Variants in HUWE1 observed in about 807,000 individuals in gnomAD.
HUWE1 encodes the protein HECT, UBA and WWE domain containing E3 ubiquitin protein ligase 1, also known as E3 ubiquitin-protein ligase HUWE1.
Under a neutral mutation model 299.4 loss-of-function variants are expected in HUWE1, and 18 were observed. The observed-to-expected ratio is 0.06, with a 90% CI of 0.04 to 0.09. HUWE1 has a LOEUF of 0.09. Among genes scored for constraint, HUWE1 ranks in the 10% least tolerant of loss-of-function variants. The pLI, the probability that HUWE1 is intolerant of heterozygous loss-of-function variation, is 1.00. For synonymous variants in HUWE1, 1,317 were observed against 1,286.1 expected, an observed-to-expected ratio of 1.02 and a Z score of -0.51; for missense variants, 1,832 against 3,462.3, an observed-to-expected ratio of 0.53 and a Z score of 11.82.
intron 3 of HUWE1, among the ~76,000 whole-genome samples, chrX:53,656,930 AC>A (rs1471298213): frequency 1.8e-5 from 2 of 111,522 alleles, no homozygotes; most frequent in Non-Finnish European, 3.8e-5. Flanking sequence ...AAAAAAAAAA[AC>A]AATTCAGTCA....
chrX:53,674,713 AC>A (rs2069726654), intron 3 of HUWE1, among the ~76,000 whole-genome samples: 1 of 111,229 alleles, frequency 9.0e-6, no homozygotes, highest in Non-Finnish European at 1.9e-5. Context: ...TACCATACTG[AC>A]CCTTTTGTGT....
chrX:53,587,440 T>TA (rs1220724077), intron 37 of HUWE1, among the ~76,000 whole-genome samples: 1 of 112,488 alleles, frequency 8.9e-6, no homozygotes, highest in Non-Finnish European at 1.9e-5. Context: ...AAAGATGGAC[T>TA]AATGTATATA....
At chrX:53,636,917 G>A (rs2067255248) in intron 7 of HUWE1, among the ~76,000 whole-genome samples, 1 of 112,146 alleles carries the variant, frequency 8.9e-6, no homozygotes, top group Non-Finnish European at 1.9e-5. Context: ...AAATCATACT[G>A]TAATGGAATC....
chrX:53,557,999 C>T (rs1458515881), intron 59 of HUWE1, among the ~76,000 whole-genome samples: 3 of 111,777 alleles, frequency 2.7e-5, no homozygotes, highest in East Asian at 5.6e-4. Flanking sequence ...AGTCTTATTT[C>T]TTTGTATTTC....
In HUWE1 at chrX:53,576,893, C is replaced by A. The variant is rs1473999266; in HGVS notation, c.5884+7G>T. 1 of 1,208,679 alleles carries A rather than the reference C, an allele frequency of 8.3e-7. No individual in the cohort carries two copies. The highest frequency in any genetic ancestry group is 1.1e-6 in the Non-Finnish European group (1 of 894,254). On this transcript the variant is annotated splice_region_variant and intron_variant, in intron 44 of 83. Coordinates refer to ENST00000262854, the MANE Select transcript of HUWE1 (RefSeq NM_031407.7). ...GCCCAGCCTCCTGAGGTAGGCTAGC[C>A]ACATACCTTCCTCTGGAGCATGGTA... is the stretch of plus-strand genomic sequence containing the variant.
At chrX:53,677,178 G>A (rs910059586) in intron 3 of HUWE1, among the ~76,000 whole-genome samples, 4 of 96,067 alleles carry the variant, frequency 4.2e-5, no homozygotes, top group Non-Finnish European at 6.0e-5. Flanking sequence ...AAATAGAGAA[G>A]TATCACCTGG....
chrX:53,617,175 T>C, intron 20 of HUWE1, 28 bp from the exon 21 acceptor site: 1 of 1,184,183 alleles, frequency 8.4e-7, no homozygotes. Flanking sequence ...TGAGCTTGAA[T>C]GCATCTAAAA....
At chrX:53,623,594 A>G (rs1557014280) in intron 19 of HUWE1, among the ~76,000 whole-genome samples, 1 of 111,810 alleles carries the variant, frequency 8.9e-6, no homozygotes, top group African/African-American at 3.3e-5. Context: ...AAAGAGGCCC[A>G]TTCTTATTTC....
intron 39 of HUWE1, 72 bp from the exon 40 acceptor site, chrX:53,585,260 T>C: frequency 1.9e-6 from 2 of 1,034,771 alleles, no homozygotes; most frequent in Non-Finnish European, 1.3e-6. Context: ...ACTTCATCAG[T>C]GTTCACTGCT....
rs1556908405 is a variant in HUWE1 at position 53,533,393 on chromosome X, C to T, written c.13041G>A (p.Leu4347=). 6 of 1,197,464 alleles carry T rather than the reference C, an allele frequency of 5.0e-6. No individual in the cohort carries two copies. Among genetic ancestry groups the T allele is most frequent in the Non-Finnish European group, 6.8e-6 (6 of 883,744 alleles). Residue 4347 remains leucine, a synonymous_variant, in exon 84 of 84, where the codon CTG becomes CTA. Coordinates refer to ENST00000262854, the MANE Select transcript of HUWE1 (RefSeq NM_031407.7). ...SAHTCFNQLD[L]PAYESFEKLR... ...GCTTCTCAAAGCTCTCATAGGCAGG[C>T]AGATCCAGCTGATTAAAACTAAGGA...
chrX:53,553,028 C>T (rs2061828777), intron 61 of HUWE1, 135 bp from the exon 62 acceptor site: 1 of 645,891 alleles, frequency 1.5e-6, no homozygotes, highest in Non-Finnish European at 2.5e-6. Context: ...CTGTCCCCCT[C>T]TCAATCTCAC....
In HUWE1 at chrX:53,575,683, T is replaced by C; in HGVS notation, c.5990A>G (p.Gln1997Arg). 8.3e-7 allele frequency: 1 copy of C among 1,211,506 alleles called. No individual in the cohort carries two copies. Among genetic ancestry groups the C allele is most frequent in the Non-Finnish European group, 1.1e-6 (1 of 894,877 alleles). The part of the protein sequence containing the change: ...VYQQYRSLTR[Q>R]SSDFDTQSGF... ...TGACTGCGTATCAAAGTCACTGCTC[T>C]GACGCGTAAGTGACCGGTACTGCTG... Residue 1997 changes from glutamine (Q) to arginine (R), a missense_variant, in exon 45 of 84, where the codon CAG (glutamine) becomes CGG (arginine). Transcript: ENST00000262854.
intron 22 of HUWE1, among the ~76,000 whole-genome samples, chrX:53,615,535 A>G (rs1249344798): frequency 2.7e-5 from 3 of 111,900 alleles, no homozygotes; most frequent in Non-Finnish European, 5.6e-5. Flanking sequence ...GGCTAAAAAA[A>G]TTTTAACAGA....
intron 70 of HUWE1, among the ~76,000 whole-genome samples, chrX:53,545,842 G>A (rs1238461898): frequency 9.0e-6 from 1 of 111,479 alleles, no homozygotes; most frequent in African/African-American, 3.3e-5. Flanking sequence ...TGATTGGGAT[G>A]AGGGTGGGAC....
At chrX:53,606,051 G>A (rs373709977) in intron 25 of HUWE1, among the ~76,000 whole-genome samples, 1 of 111,817 alleles carries the variant, frequency 8.9e-6, no homozygotes, top group African/African-American at 3.3e-5. Context: ...CAATGGTTTT[G>A]TGGACACGAC....
Position 53,534,531 on chromosome X carries a change from C to G in HUWE1, c.12816G>C (p.Gln4272His), listed in dbSNP as rs2146770156. 5.8e-6 allele frequency: 7 copies of G among 1,208,775 alleles called. No homozygotes were observed. The highest frequency in any genetic ancestry group is 7.8e-6 in the Non-Finnish European group (7 of 893,826). Reference protein sequence around the residue: ...LKSNTEYHKYQSNSIQIQWFW... With the variant: ...LKSNTEYHKYHSNSIQIQWFW... ...AGCAGCTCACCTGAATAGAGTTGGACTGGTACTTGTGGTATTCAGTGTTGG... is the reference window on the plus strand; with the variant it reads ...AGCAGCTCACCTGAATAGAGTTGGAGTGGTACTTGTGGTATTCAGTGTTGG... The change falls in exon 82 of 84, where the codon CAG becomes CAC. Residue 4272 changes from glutamine to histidine, a missense_variant. By Grantham distance (24) the Gln-to-His change is conservative (BLOSUM62 0). Coordinates refer to ENST00000262854, the MANE Select transcript of HUWE1 (RefSeq NM_031407.7).
chrX:53,611,982 G>A (rs1557002821), intron 23 of HUWE1, among the ~76,000 whole-genome samples: 2 of 111,945 alleles, frequency 1.8e-5, no homozygotes, highest in African/African-American at 6.5e-5. Flanking sequence ...TATGGATATG[G>A]AGGAAGGGAT....
chrX:53,566,012 G>A (rs1325267734), intron 49 of HUWE1, among the ~76,000 whole-genome samples: 1 of 106,914 alleles, frequency 9.4e-6, no homozygotes, highest in East Asian at 2.9e-4. Context: ...GTAATAAGGT[G>A]TGTGAGACCA....
At chrX:53,582,019 G>A (rs1206220499) in intron 42 of HUWE1, among the ~76,000 whole-genome samples, 4 of 111,647 alleles carry the variant, frequency 3.6e-5, no homozygotes, top group Non-Finnish European at 5.6e-5. Context: ...CACTCCTACC[G>A]AAAGTTAAGA....
Sources: allele counts gnomAD v4.1 joint callset (sites outside exome capture counted in the v4.1 genomes callset), GRCh38; gene constraint gnomAD v4.1.1; transcripts MANE v1.5; gene names NCBI Gene and HGNC (gene_info 2026-07-23, HGNC 2026-07-21).